EYS: variants seen among roughly 807,000 people sequenced by gnomAD.
EYS encodes the protein protein eyes shut homolog.
Under a neutral mutation model 282.1 loss-of-function variants are expected in EYS, and 250 were observed. The observed-to-expected ratio is 0.89, with a 90% confidence interval of 0.80 to 0.98. The LOEUF (loss-of-function observed/expected upper bound fraction) is 0.98. EYS is among the 50% of genes least tolerant of loss of function. The probability of loss-of-function intolerance (pLI) is 0.00; values close to 1 mark genes in which losing one functional copy is unlikely to be tolerated. For synonymous variants in EYS, 1,355 were observed against 1,282.9 expected (o/e 1.06, Z -1.20); for missense variants, 4,016 against 3,709.0 (o/e 1.08, Z -2.15).
At chr6:63,744,791 C>T in intron 41 of EYS, 1 of 204,374 alleles carries the variant, frequency 4.9e-6, no homozygotes, top group Non-Finnish European at 1.0e-5. Context: ...TGGTCTCGAA[C>T]TCCTGACCTC....
intron 28 of EYS, among the ~76,000 whole-genome samples, chr6:64,425,908 G>A (rs1278343857): frequency 1.3e-5 from 2 of 151,964 alleles, no homozygotes; most frequent in Admixed American, 6.6e-5. Flanking sequence ...GTAGAGAAGC[G>A]ATGTTAGGAG....
intron 12 of EYS, among the ~76,000 whole-genome samples, chr6:65,160,854 C>G (rs1764835900): frequency 7.2e-6 from 1 of 138,524 alleles, no homozygotes; most frequent in African/African-American, 3.0e-5. Context: ...TATATTTTCC[C>G]CCAAAACTAC....
chr6:64,217,435 A>G (rs1010332245), intron 31 of EYS, among the ~76,000 whole-genome samples: 6 of 152,194 alleles, frequency 3.9e-5, no homozygotes, highest in African/African-American at 1.4e-4. Context: ...AAGCTGAGAC[A>G]GGAGAATCCC....
At chr6:65,034,865 G>T (rs897583185) in intron 13 of EYS, among the ~76,000 whole-genome samples, 1 of 151,874 alleles carries the variant, frequency 6.6e-6, no homozygotes, top group African/African-American at 2.4e-5. Flanking sequence ...CATTCTATGA[G>T]GCCAGCATTA....
intron 29 of EYS, among the ~76,000 whole-genome samples, chr6:64,344,553 A>G (rs1771290146): frequency 6.6e-6 from 1 of 152,164 alleles, no homozygotes; most frequent in Admixed American, 6.6e-5. Flanking sequence ...GTATCTCAAA[A>G]TAATAAGAGC....
chr6:63,990,620 T>G (rs1202824676), intron 34 of EYS, among the ~76,000 whole-genome samples: 3 of 151,602 alleles, frequency 2.0e-5, no homozygotes, highest in Non-Finnish European at 4.4e-5. Context: ...TTCACCACAG[T>G]CTCTTGTCCT....
intron 36 of EYS, among the ~76,000 whole-genome samples, chr6:63,838,509 T>C (rs779769250): frequency 1.3e-5 from 2 of 152,168 alleles, no homozygotes; most frequent in African/African-American, 2.4e-5. Flanking sequence ...TCCACTATTA[T>C]TATACTGCGG....
chr6:64,669,799 A>G (rs1265432790), intron 22 of EYS, among the ~76,000 whole-genome samples: 1 of 152,184 alleles, frequency 6.6e-6, no homozygotes, highest in African/African-American at 2.4e-5. Flanking sequence ...AGTAGGAAAA[A>G]AGTGATAATT....
chr6:64,010,030 C>T (rs1768533913), intron 33 of EYS, among the ~76,000 whole-genome samples: 1 of 151,288 alleles, frequency 6.6e-6, no homozygotes, highest in Non-Finnish European at 1.5e-5. Context: ...CAGCTCAGCA[C>T]TCCTGGGCTG....
intron 2 of EYS, among the ~76,000 whole-genome samples, chr6:65,518,192 C>T (rs1163808579): frequency 1.3e-5 from 2 of 152,088 alleles, no homozygotes; most frequent in Non-Finnish European, 2.9e-5. Context: ...ATTCTGTTAT[C>T]AGTGCCTGAG....
chr6:64,049,602 A>C (rs1466656828), intron 33 of EYS, among the ~76,000 whole-genome samples: 1 of 152,166 alleles, frequency 6.6e-6, no homozygotes, highest in Non-Finnish European at 1.5e-5. Context: ...TTAGAGGCAG[A>C]TAGAGGTGGG....
chr6:64,655,991 T>G (rs550575851), intron 22 of EYS, among the ~76,000 whole-genome samples: 1 of 152,278 alleles, frequency 6.6e-6, no homozygotes, highest in African/African-American at 2.4e-5. Flanking sequence ...TGTCTATGGT[T>G]GTCTTCACCT....
intron 2 of EYS, among the ~76,000 whole-genome samples, chr6:65,571,640 A>G (rs578247246): frequency 6.6e-6 from 1 of 152,148 alleles, no homozygotes; most frequent in East Asian, 1.9e-4. Flanking sequence ...GATCCACTAT[A>G]ATATAAATTC....
chr6:64,345,378 G>A (rs904570149), intron 29 of EYS, among the ~76,000 whole-genome samples: 3 of 151,922 alleles, frequency 2.0e-5, no homozygotes, highest in Non-Finnish European at 4.4e-5. Flanking sequence ...ACAGAACAGA[G>A]CCCTCAGAAA....
rs1034130867 is a variant in EYS, at chr6:63,998,800, T to G, written c.6834+275A>C. On this transcript the variant is annotated intron_variant, in intron 34 of 42. Transcript: ENST00000503581. ...CCCACTCTGGAGCTGTCTTTTTTTT[T>G]TTTTTTTAAAGTCAAGCACAATGTA... 8.6e-5 allele frequency among the ~76,000 whole-genome samples: 13 copies of G among 151,996 alleles called. No individual in the cohort carries two copies. The East Asian group carries it at 2.1e-3, about 25-fold the overall frequency.
chr6:64,312,087 C>A (rs558940905), intron 29 of EYS, among the ~76,000 whole-genome samples: 1 of 151,918 alleles, frequency 6.6e-6, no homozygotes, highest in East Asian at 1.9e-4. Context: ...TCTGGCTCAG[C>A]AGGTCCCACC....
At chr6:64,881,929 C>T (rs1373562812) in intron 19 of EYS, among the ~76,000 whole-genome samples, 1 of 151,814 alleles carries the variant, frequency 6.6e-6, no homozygotes, top group Non-Finnish European at 1.5e-5. Flanking sequence ...ATTAAAAGTA[C>T]TATTAATGTT....
At chr6:65,664,286 A>G (rs6455050) in intron 1 of EYS, among the ~76,000 whole-genome samples, 34,773 of 152,126 alleles carry the variant, frequency 0.23, 4,920 homozygotes, top group African/African-American at 0.41. Context: ...GCAAAAGCAC[A>G]CCATGCACAC....
chr6:65,391,304 C>T (rs1483677433), intron 7 of EYS, among the ~76,000 whole-genome samples: 1 of 151,910 alleles, frequency 6.6e-6, no homozygotes, highest in Non-Finnish European at 1.5e-5. Flanking sequence ...CAACAATGTC[C>T]TAGATATTTT....
Sources: gnomAD v4.1 joint callset for allele counts (sites outside exome capture counted in the v4.1 genomes callset) on GRCh38, gnomAD v4.1.1 for gene constraint, MANE v1.5 for transcripts, NCBI Gene and HGNC (gene_info 2026-07-23, HGNC 2026-07-21) for gene names.